The following DPP10 variants were observed in gnomAD, a reference collection of about 807,000 sequenced individuals.
The protein encoded by DPP10 is inactive dipeptidyl peptidase 10.
DPP10 carries 33 observed loss-of-function variants against 120.9 expected under a neutral mutation model. That is an observed-to-expected ratio of 0.27 (90% CI 0.21 to 0.37). The LOEUF (loss-of-function observed/expected upper bound fraction) is 0.37. DPP10 is among the 10% of genes least tolerant of loss of function. DPP10 has a pLI of 1.00. For synonymous variants in DPP10, 337 were observed against 326.1 expected (o/e 1.03, Z -0.36); for missense variants, 816 against 942.8 (o/e 0.87, Z 1.76).
Position 115,694,669 on chromosome 2 carries a change from AT to A in DPP10, c.576+4750del, listed in dbSNP as rs567753869. On this transcript the variant is annotated intron_variant, in intron 7 of 25. Coordinates refer to ENST00000410059, the MANE Select transcript of DPP10 (RefSeq NM_020868.6). The stretch of plus-strand genomic sequence containing the variant: ...AGAAGCACCAGGAATCTGTTTTTCC[AT>A]TCAGATAACAATTGCTACAGTAGAC... Among the ~76,000 whole-genome samples the A allele has an allele frequency of 1.3e-3, 196 of 152,330 alleles. 1 individual carries two copies. Among genetic ancestry groups the A allele is most frequent in the African/African-American group, 4.6e-3 (191 of 41,580 alleles).
At chr2:115,167,810 CCTGA>C (rs1254699425) in intron 1 of DPP10, among the ~76,000 whole-genome samples, 3 of 152,054 alleles carry the variant, frequency 2.0e-5, no homozygotes, top group Non-Finnish European at 4.4e-5. Context: ...TCTGTTACAT[CCTGA>C]CTTTCATTCA....
intron 1 of DPP10, among the ~76,000 whole-genome samples, chr2:114,864,340 G>A (rs34641995): frequency 0.061 from 9,317 of 152,244 alleles, 418 homozygotes; most frequent in South Asian, 0.17. Context: ...GACCAAGATG[G>A]CCACATCTCC....
rs1271939254 is a variant in DPP10, at chr2:114,664,978, G to GCA, written c.60+222141_60+222142dup. Reference sequence around the variant, plus strand: ...GATGGCATAGAGCATCCAAAAGATGGCAGAGAGCATCCAAAAGATGGCACA... The same window carrying GCA: ...GATGGCATAGAGCATCCAAAAGATGGCACAGAGAGCATCCAAAAGATGGCACA... On this transcript the variant is annotated intron_variant, in intron 1 of 25. Transcript: ENST00000410059. Among the ~76,000 whole-genome samples the GCA allele has an allele frequency of 2.2e-4, 32 of 148,220 alleles. 1 individual carries two copies. Among genetic ancestry groups the GCA allele is most frequent in the African/African-American group, 8.1e-4 (31 of 38,386 alleles).
intron 5 of DPP10, among the ~76,000 whole-genome samples, chr2:115,537,040 T>C (rs972630995): frequency 6.6e-6 from 1 of 151,942 alleles, no homozygotes; most frequent in African/African-American, 2.4e-5. Context: ...CATAATGGAG[T>C]CATCATTTGT....
intron 1 of DPP10, among the ~76,000 whole-genome samples, chr2:114,859,565 T>C (rs1011774944): frequency 2.0e-5 from 3 of 152,188 alleles, no homozygotes; most frequent in Non-Finnish European, 4.4e-5. Flanking sequence ...TAATTTGATT[T>C]AAGAATAGCA....
At chr2:115,105,005 C>CAA (rs10706119) in intron 1 of DPP10, among the ~76,000 whole-genome samples, 2 of 135,692 alleles carry the variant, frequency 1.5e-5, no homozygotes, top group East Asian at 2.1e-4. Flanking sequence ...GACTCCGTCT[C>CAA]AAAAAAAAAA....
At chr2:115,270,115 G>GAC (rs1559343030) in intron 1 of DPP10, among the ~76,000 whole-genome samples, 8 of 70,462 alleles carry the variant, frequency 1.1e-4, no homozygotes, top group African/African-American at 4.3e-4. Flanking sequence ...CACACACACA[G>GAC]ACACACACAC....
chr2:114,864,226 G>A (rs1226145219), intron 1 of DPP10, among the ~76,000 whole-genome samples: 2 of 152,070 alleles, frequency 1.3e-5, no homozygotes, highest in African/African-American at 4.8e-5. Context: ...CTCTTTGGTG[G>A]TGTAGATTTA....
At chr2:115,672,674 T>TTTTTTC (rs2089979345) in intron 5 of DPP10, among the ~76,000 whole-genome samples, 2 of 125,990 alleles carry the variant, frequency 1.6e-5, no homozygotes, top group African/African-American at 3.1e-5. Context: ...CTTTCTCTCT[T>TTTTTTC]TCTTTCTCTT....
intron 1 of DPP10, among the ~76,000 whole-genome samples, chr2:115,286,114 GTTTTAT>G (rs1478738144): frequency 1.3e-5 from 2 of 151,674 alleles, no homozygotes; most frequent in Admixed American, 6.6e-5. Context: ...CAGACTCAGT[GTTTTAT>G]TTTTATAATA....
At chr2:115,209,243 A>AT (rs2056353932) in intron 1 of DPP10, among the ~76,000 whole-genome samples, 1 of 152,150 alleles carries the variant, frequency 6.6e-6, no homozygotes, top group African/African-American at 2.4e-5. Context: ...ACTAAAACAT[A>AT]TTTTGCCTAT....
intron 1 of DPP10, among the ~76,000 whole-genome samples, chr2:114,747,827 A>G (rs953518226): frequency 3.0e-4 from 45 of 152,160 alleles, no homozygotes; most frequent in Non-Finnish European, 2.2e-4. Context: ...TAAATTTTCT[A>G]GGGAACTTTT....
chr2:115,674,833 A>G (rs2090147160), intron 5 of DPP10, among the ~76,000 whole-genome samples: 1 of 152,174 alleles, frequency 6.6e-6, no homozygotes, highest in South Asian at 2.1e-4. Flanking sequence ...GAAGAAAACA[A>G]CTTTCTTCCG....
chr2:115,835,104 C>T (rs1283374914), intron 21 of DPP10, among the ~76,000 whole-genome samples: 1 of 151,464 alleles, frequency 6.6e-6, no homozygotes, highest in Non-Finnish European at 1.5e-5. Flanking sequence ...CCACTGCACT[C>T]CAGCCTGGAC....
intron 1 of DPP10, among the ~76,000 whole-genome samples, chr2:114,842,442 A>G (rs1379900051): frequency 6.6e-6 from 1 of 152,086 alleles, no homozygotes; most frequent in Non-Finnish European, 1.5e-5. Context: ...ATGAGTGACT[A>G]AGTCTATAGG....
Position 115,802,743 on chromosome 2 carries a change from G to A in DPP10, c.1700+11387G>A, listed in dbSNP as rs1246850663. Among the ~76,000 whole-genome samples the A allele has an allele frequency of 3.3e-5, 5 of 152,088 alleles. No individual in the cohort carries two copies. The East Asian group carries it at 9.6e-4, about 29-fold the overall frequency. On this transcript the variant is annotated intron_variant, in intron 19 of 25. Transcript: ENST00000410059. The stretch of plus-strand genomic sequence containing the variant: ...AGTTTCCATGTAGTTGAGCGGTTTT[G>A]AGTGAGTTTCTTAATCCTGAGTTCT...
rs147014349 is a variant in DPP10 at position 115,187,019 on chromosome 2, C to CT, written c.61-122184dup. On this transcript the variant is annotated intron_variant, in intron 1 of 25. Coordinates refer to ENST00000410059, the MANE Select transcript of DPP10 (RefSeq NM_020868.6). ...GAATTCAGAAGGTGGTGCAAAGATT[C>CT]TTTTTTTTTTTTTTTTTTTTTTTTT... Among the ~76,000 whole-genome samples the CT allele has an allele frequency of 1.2e-3, 77 of 63,182 alleles. 14 individuals are homozygous for CT. Among genetic ancestry groups the CT allele is most frequent in the Admixed American group, 1.9e-3 (11 of 5,744 alleles). 41.4% of individuals were successfully genotyped at this position (63,182 alleles called of 152,430 possible).
At chr2:115,478,768 G>A (rs992485355) in intron 3 of DPP10, among the ~76,000 whole-genome samples, 2 of 152,092 alleles carry the variant, frequency 1.3e-5, no homozygotes, top group East Asian at 3.9e-4. Flanking sequence ...TTTCCAAAAA[G>A]ATATGCAAAT....
chr2:115,070,158 T>C (rs1707252867), intron 1 of DPP10, among the ~76,000 whole-genome samples: 1 of 152,118 alleles, frequency 6.6e-6, no homozygotes, highest in Non-Finnish European at 1.5e-5. Context: ...TATGTGGTGA[T>C]AAGAGCTAAT....
Sources: gnomAD v4.1 joint callset for allele counts (sites outside exome capture counted in the v4.1 genomes callset) on GRCh38, gnomAD v4.1.1 for gene constraint, MANE v1.5 for transcripts, NCBI Gene and HGNC (gene_info 2026-07-23, HGNC 2026-07-21) for gene names.